The following MBD5 variants were observed in gnomAD, a reference collection of about 807,000 sequenced individuals.
The protein encoded by MBD5 is methyl-CpG-binding domain protein 5.
In MBD5, 13 loss-of-function variants were observed where a neutral mutation model predicts 117.3. That is an observed-to-expected ratio of 0.11 (90% CI 0.07 to 0.18). The LOEUF is 0.18. Among genes scored for constraint, MBD5 ranks in the 10% least tolerant of loss-of-function variants. The pLI, the probability that MBD5 is intolerant of heterozygous loss-of-function variation, is 1.00. For missense variants in MBD5, 1,879 were observed against 2,093.8 expected, an observed-to-expected ratio of 0.90 and a Z score of 2.00; for synonymous variants, 727 against 766.4, an observed-to-expected ratio of 0.95 and a Z score of 0.85.
intron 12 of MBD5, among the ~76,000 whole-genome samples, chr2:148,506,711 T>C (rs1298984129): frequency 1.3e-5 from 2 of 152,216 alleles, no homozygotes; most frequent in Non-Finnish European, 2.9e-5. Flanking sequence ...GTGGCAATTA[T>C]CTCCATTAAT....
intron 1 of MBD5, among the ~76,000 whole-genome samples, chr2:148,154,541 C>T (rs79185496): frequency 6.6e-6 from 1 of 152,338 alleles, no homozygotes; most frequent in East Asian, 1.9e-4. Flanking sequence ...CTGGCTGCCG[C>T]CTTGCAATTT....
chr2:148,265,252 CTT>C (rs970444981), intron 3 of MBD5, among the ~76,000 whole-genome samples: 27 of 152,102 alleles, frequency 1.8e-4, no homozygotes, highest in African/African-American at 6.3e-4. Flanking sequence ...AAATAAAAAA[CTT>C]TTAAAATTCC....
chr2:148,289,860 C>A (rs1025571052), intron 3 of MBD5, among the ~76,000 whole-genome samples: 23 of 144,044 alleles, frequency 1.6e-4, no homozygotes, highest in Middle Eastern at 7.4e-3. Flanking sequence ...AAAATATCAA[C>A]AGTTTAATAG....
chr2:148,240,983 T>C (rs1249716640), intron 3 of MBD5, among the ~76,000 whole-genome samples: 1 of 152,144 alleles, frequency 6.6e-6, no homozygotes, highest in Non-Finnish European at 1.5e-5. Context: ...GCATTTATTA[T>C]GATGATCTTT....
At chr2:148,120,202 C>T (rs1009462795) in intron 1 of MBD5, among the ~76,000 whole-genome samples, 4 of 152,166 alleles carry the variant, frequency 2.6e-5, no homozygotes, top group African/African-American at 9.7e-5. Context: ...TACTCCGCAC[C>T]TGGAGTGTAT....
chr2:148,078,703 A>G (rs571895449), intron 1 of MBD5, among the ~76,000 whole-genome samples: 2 of 152,298 alleles, frequency 1.3e-5, no homozygotes, highest in Non-Finnish European at 2.9e-5. Context: ...CATCTAACAT[A>G]TATTCTTTGA....
intron 3 of MBD5, among the ~76,000 whole-genome samples, chr2:148,261,318 G>C (rs1700727149): frequency 6.6e-6 from 1 of 152,146 alleles, no homozygotes. Flanking sequence ...ATAGATAGCT[G>C]TTTCAACTAC....
At chr2:148,500,265 G>A (rs1490773845) in intron 11 of MBD5, among the ~76,000 whole-genome samples, 3 of 151,680 alleles carry the variant, frequency 2.0e-5, no homozygotes, top group African/African-American at 4.8e-5. Context: ...CTGTGTGTGT[G>A]TATTTTATAT....
At chr2:148,304,612 C>T (rs1461438558) in intron 3 of MBD5, among the ~76,000 whole-genome samples, 1 of 152,144 alleles carries the variant, frequency 6.6e-6, no homozygotes, top group Non-Finnish European at 1.5e-5. Context: ...GCATTGGGGA[C>T]TGCAGTGGGA....
At chr2:148,452,715 C>G (rs926075391) in intron 4 of MBD5, among the ~76,000 whole-genome samples, 1 of 151,772 alleles carries the variant, frequency 6.6e-6, no homozygotes, top group Non-Finnish European at 1.5e-5. Context: ...GTCTATAAAC[C>G]ACTTAGTAAA....
chr2:148,430,298 G>A (rs1705942898), intron 4 of MBD5, among the ~76,000 whole-genome samples: 1 of 152,118 alleles, frequency 6.6e-6, no homozygotes, highest in African/African-American at 2.4e-5. Flanking sequence ...AAGGGAAGGG[G>A]AAGTAACTGT....
chr2:148,344,630 G>A (rs1038308947), intron 4 of MBD5, among the ~76,000 whole-genome samples: 5 of 151,900 alleles, frequency 3.3e-5, no homozygotes, highest in African/African-American at 1.2e-4. Flanking sequence ...AACATTATTG[G>A]TGTACAGAAA....
intron 4 of MBD5, among the ~76,000 whole-genome samples, chr2:148,432,815 T>C (rs1277272278): frequency 6.6e-6 from 1 of 152,210 alleles, no homozygotes; most frequent in Non-Finnish European, 1.5e-5. Context: ...CTTTCACCTT[T>C]GTTCTTTTTC....
rs1261118890 is a variant in MBD5, at chr2:148,209,795, G to A, written c.-830-23450G>A. 4.6e-5 allele frequency among the ~76,000 whole-genome samples: 7 copies of A among 152,094 alleles called. No individual in the cohort carries two copies. In the South Asian group the frequency reaches 1.0e-3, roughly 23 times the overall value. The stretch of plus-strand genomic sequence containing the variant: ...TGAGGGGAGGAGCAAGGGGCGGGGG[G>A]AGGTGCTACATACTTTTAAACAACC... On this transcript the variant is annotated intron_variant, in intron 2 of 13. Coordinates refer to ENST00000642680, the MANE Select transcript of MBD5 (RefSeq NM_001378120.1).
At chr2:148,466,826 G>A (rs1424832751) in intron 7 of MBD5, among the ~76,000 whole-genome samples, 1 of 152,070 alleles carries the variant, frequency 6.6e-6, no homozygotes, top group Non-Finnish European at 1.5e-5. Flanking sequence ...AATGTTCACA[G>A]CATTCTCTTA....
intron 2 of MBD5, among the ~76,000 whole-genome samples, chr2:148,217,212 G>A (rs185364891): frequency 6.8e-4 from 103 of 152,322 alleles, no homozygotes; most frequent in African/African-American, 1.9e-3. Flanking sequence ...GTGGGTGGGT[G>A]AAGCGTATGC....
At chr2:148,447,130 AAAGAG>A (rs1270691578) in intron 4 of MBD5, among the ~76,000 whole-genome samples, 1 of 137,914 alleles carries the variant, frequency 7.3e-6, no homozygotes, top group Non-Finnish European at 1.7e-5. Context: ...AAAGAAAAAG[AAAGAG>A]AGAGAGAGAA....
intron 5 of MBD5, among the ~76,000 whole-genome samples, chr2:148,459,732 T>G (rs879382833): frequency 1.3e-5 from 2 of 152,210 alleles, no homozygotes; most frequent in Non-Finnish European, 2.9e-5. Context: ...AGCAAGAATG[T>G]ATTCATAGAA....
At chr2:148,495,239 A>G (rs1574490983) in intron 11 of MBD5, among the ~76,000 whole-genome samples, 1 of 152,292 alleles carries the variant, frequency 6.6e-6, no homozygotes, top group Admixed American at 6.5e-5. Flanking sequence ...AAACATTTTT[A>G]AGCCTATGCA....
Sources: gnomAD v4.1 joint callset for allele counts (sites outside exome capture counted in the v4.1 genomes callset) on GRCh38, gnomAD v4.1.1 for gene constraint, MANE v1.5 for transcripts, NCBI Gene and HGNC (gene_info 2026-07-23, HGNC 2026-07-21) for gene names.